PAPPA2: variants seen among roughly 807,000 people sequenced by gnomAD.
The protein encoded by PAPPA2 is pappalysin-2.
Under a neutral mutation model 176.4 loss-of-function variants are expected in PAPPA2, and 86 were observed. That is an observed-to-expected ratio of 0.49 (90% confidence interval 0.41 to 0.58). PAPPA2 has a LOEUF of 0.58. Among genes scored for constraint, PAPPA2 ranks in the 20% least tolerant of loss-of-function variants. PAPPA2 has a pLI of 0.00. For synonymous variants in PAPPA2, 809 were observed against 852.2 expected, an observed-to-expected ratio of 0.95 and a Z score of 0.88; for missense variants, 2,073 against 2,256.9, an observed-to-expected ratio of 0.92 and a Z score of 1.65.
At chr1:176,757,922 C>G (rs1357930690) in intron 14 of PAPPA2, among the ~76,000 whole-genome samples, 1 of 152,102 alleles carries the variant, frequency 6.6e-6, no homozygotes, top group Non-Finnish European at 1.5e-5. Flanking sequence ...GCAATTTGCC[C>G]AGCACTAGGA....
chr1:176,606,261 C>A (rs964227949), intron 3 of PAPPA2, among the ~76,000 whole-genome samples: 2 of 152,110 alleles, frequency 1.3e-5, no homozygotes, highest in African/African-American at 2.4e-5. Context: ...GACTTCAGAG[C>A]CTGATTTTCC....
chr1:176,786,692 G>A (rs1664948683), intron 17 of PAPPA2, among the ~76,000 whole-genome samples: 2 of 152,184 alleles, frequency 1.3e-5, no homozygotes, highest in Non-Finnish European at 2.9e-5. Flanking sequence ...GAGGACCGGG[G>A]GCTTCTGCTG....
chr1:176,563,934 T>C (rs1034780113), intron 2 of PAPPA2, among the ~76,000 whole-genome samples: 3 of 152,208 alleles, frequency 2.0e-5, no homozygotes, highest in African/African-American at 7.2e-5. Context: ...GGAAATTCCT[T>C]AGACTGCACT....
intron 3 of PAPPA2, among the ~76,000 whole-genome samples, chr1:176,653,033 TA>T (rs1657825473): frequency 6.6e-6 from 1 of 151,700 alleles, no homozygotes; most frequent in Non-Finnish European, 1.5e-5. Context: ...ACCACCATTT[TA>T]AATGAAGATG....
intron 1 of PAPPA2, among the ~76,000 whole-genome samples, chr1:176,483,438 C>T (rs1558395226): frequency 6.6e-6 from 1 of 150,510 alleles, no homozygotes; most frequent in Non-Finnish European, 1.5e-5. Context: ...CCCTTCTCCT[C>T]CCTTAGGTGA....
intron 2 of PAPPA2, among the ~76,000 whole-genome samples, chr1:176,584,905 T>C (rs1573080048): frequency 6.6e-6 from 1 of 152,060 alleles, no homozygotes. Context: ...GGCTAATTTT[T>C]GTATTTTGTA....
At chr1:176,575,857 A>G (rs528759820) in intron 2 of PAPPA2, among the ~76,000 whole-genome samples, 2 of 152,292 alleles carry the variant, frequency 1.3e-5, no homozygotes, top group South Asian at 2.1e-4. Context: ...ACACCTATTT[A>G]TTATTTTATA....
chr1:176,585,230 AT>A (rs1653235384), intron 2 of PAPPA2, among the ~76,000 whole-genome samples: 1 of 151,356 alleles, frequency 6.6e-6, no homozygotes, highest in East Asian at 1.9e-4. Context: ...TTTCTCCTTC[AT>A]TTCTAAGAAT....
chr1:176,524,436 A>G (rs1459251673), intron 1 of PAPPA2, among the ~76,000 whole-genome samples: 1 of 152,216 alleles, frequency 6.6e-6, no homozygotes, highest in Non-Finnish European at 1.5e-5. Context: ...ATTTTCAAAG[A>G]AAACAGCATT....
intron 6 of PAPPA2, among the ~76,000 whole-genome samples, chr1:176,692,598 G>A (rs147276452): frequency 2.6e-5 from 4 of 152,318 alleles, no homozygotes; most frequent in African/African-American, 9.6e-5. Context: ...GAACGGAGAG[G>A]GCATCTGCCA....
In PAPPA2 at chr1:176,692,272, C is replaced by T. The variant is rs1335133055; in HGVS notation, c.2578C>T (p.Leu860Phe). Residue 860 changes from leucine (L) to phenylalanine (F), a missense_variant, in exon 6 of 23, where the codon CTC becomes TTC. By Grantham distance (22) the Leu-to-Phe change is conservative. This residue lies in a region of PAPPA2 where 1,196 missense variants were observed against 1,330.4 expected (regional missense o/e 0.90). Coordinates refer to ENST00000367662, the MANE Select transcript of PAPPA2 (RefSeq NM_020318.3). ...PMVIGQTNKS[L>F]TIHWLPPISG... is the part of the protein sequence containing the mutation. ...GGTCATCGGACAGACCAACAAGTCC[C>T]TCACTATCCACTGGCTGCCTCCTAT... 6.2e-7 allele frequency: 1 copy of T among 1,613,920 alleles called. No individual in the cohort carries two copies. Among genetic ancestry groups the T allele is most frequent in the East Asian group, 2.2e-5 (1 of 44,894 alleles).
chr1:176,634,157 A>G (rs1479071372), intron 3 of PAPPA2, among the ~76,000 whole-genome samples: 1 of 152,174 alleles, frequency 6.6e-6, no homozygotes, highest in Non-Finnish European at 1.5e-5. Context: ...TGTTTATTGC[A>G]ACACTACTCA....
intron 1 of PAPPA2, among the ~76,000 whole-genome samples, chr1:176,530,628 T>C (rs1649758535): frequency 1.3e-5 from 2 of 152,168 alleles, no homozygotes; most frequent in Non-Finnish European, 2.9e-5. Flanking sequence ...TGTAGAACTC[T>C]TCTTTTCCCC....
intron 14 of PAPPA2, among the ~76,000 whole-genome samples, chr1:176,754,177 A>G (rs534680999): frequency 1.3e-5 from 2 of 152,246 alleles, no homozygotes; most frequent in East Asian, 3.9e-4. Flanking sequence ...TTAGTGGGAT[A>G]CATTCTGAGA....
chr1:176,770,904 G>T, intron 16 of PAPPA2, 63 bp from the exon 17 acceptor site: 2 of 1,492,678 alleles, frequency 1.3e-6, no homozygotes, highest in Non-Finnish European at 1.9e-6. Flanking sequence ...TATTTCATCT[G>T]CTATGATTAT....
chr1:176,481,023 G>GC (rs1180430662), intron 1 of PAPPA2, among the ~76,000 whole-genome samples: 2 of 152,072 alleles, frequency 1.3e-5, no homozygotes, highest in Admixed American at 1.3e-4. Context: ...TCTGCCCTTG[G>GC]CCTACCTGCA....
chr1:176,529,847 C>T (rs1234562182), intron 1 of PAPPA2, among the ~76,000 whole-genome samples: 2 of 152,080 alleles, frequency 1.3e-5, no homozygotes, highest in Non-Finnish European at 2.9e-5. Flanking sequence ...TACTTACTGT[C>T]TCTTGAGGCC....
Position 176,594,580 on chromosome 1 carries a change from C to G in PAPPA2, c.976C>G (p.Arg326Gly), listed in dbSNP as rs368485332. 1.9e-6 allele frequency: 3 copies of G among 1,614,206 alleles called. No homozygotes were observed. The highest frequency in any genetic ancestry group is 1.3e-5 in the African/African-American group (1 of 75,060). ...VSDKGWALGI[R>G]SGKDKGKRDA... ...TGACAAAGGCTGGGCCCTGGGGATC[C>G]GCTCAGGGAAGGACAAGGGAAAGCG... Residue 326 changes from arginine (R) to glycine (G), a missense_variant, in exon 3 of 23, where the codon CGC (arginine) becomes GGC (glycine). Physicochemically the swap from Arg to Gly is moderately radical, Grantham distance 125 (BLOSUM62 -2). Transcript: ENST00000367662.
intron 12 of PAPPA2, among the ~76,000 whole-genome samples, chr1:176,729,823 C>A (rs868807566): frequency 3.3e-5 from 5 of 152,102 alleles, no homozygotes; most frequent in South Asian, 4.1e-4. Context: ...TAGAACAAGC[C>A]TTAAGTCATT....
Sources: gnomAD v4.1 joint callset for allele counts (sites outside exome capture counted in the v4.1 genomes callset) on GRCh38, gnomAD v4.1.1 for gene constraint, gnomAD v4.1.1 regional missense constraint, MANE v1.5 for transcripts, NCBI Gene and HGNC (gene_info 2026-07-23, HGNC 2026-07-21) for gene names.